GPATCH2: variants seen among roughly 807,000 people sequenced by gnomAD.
The protein encoded by GPATCH2 is G-patch domain containing 2.
GPATCH2 carries 51 observed loss-of-function variants against 58.0 expected under a neutral mutation model. The ratio of observed to expected loss-of-function variants is 0.88; its 90% confidence interval spans 0.70 to 1.11. The LOEUF (loss-of-function observed/expected upper bound fraction) is 1.11, where lower values mean the gene tolerates loss of function less well. GPATCH2 is among the 50% of genes most tolerant of loss of function. The pLI is 0.00. For synonymous variants in GPATCH2, 222 were observed against 218.5 expected (o/e 1.02, Z -0.14); for missense variants, 625 against 652.2 (o/e 0.96, Z 0.45).
chr1:217,454,588 C>CAAAAA (rs34571192), intron 8 of GPATCH2, among the ~76,000 whole-genome samples: 6 of 59,584 alleles, frequency 1.0e-4, no homozygotes, highest in African/African-American at 1.5e-4. Flanking sequence ...GACTCTGTCT[C>CAAAAA]AAAAAAAAAA....
intron 5 of GPATCH2, among the ~76,000 whole-genome samples, chr1:217,521,660 G>A (rs1156448767): frequency 6.6e-6 from 1 of 152,208 alleles, no homozygotes; most frequent in African/African-American, 2.4e-5. Context: ...GTGTACTGGA[G>A]AGGAGTAAAC....
At chr1:217,567,993 T>A (rs1469914008) in intron 5 of GPATCH2, among the ~76,000 whole-genome samples, 1 of 152,056 alleles carries the variant, frequency 6.6e-6, no homozygotes, top group African/African-American at 2.4e-5. Context: ...GGCGGGCGCC[T>A]GCAGTCCTAG....
chr1:217,530,137 T>TA (rs1290447110), intron 5 of GPATCH2, among the ~76,000 whole-genome samples: 2 of 152,212 alleles, frequency 1.3e-5, no homozygotes, highest in Admixed American at 1.3e-4. Flanking sequence ...CACAATGAAA[T>TA]ATGCTATCCA....
chr1:217,451,536 C>CA (rs1659665828), intron 8 of GPATCH2, among the ~76,000 whole-genome samples: 1 of 152,208 alleles, frequency 6.6e-6, no homozygotes, highest in Admixed American at 6.5e-5. Context: ...CCAGTTCCCT[C>CA]ATTAGCTAAT....
intron 6 of GPATCH2, among the ~76,000 whole-genome samples, chr1:217,500,890 ATTTAT>A (rs1021040250): frequency 6.6e-5 from 10 of 151,986 alleles, no homozygotes; most frequent in African/African-American, 1.9e-4. Flanking sequence ...TACAAGAAAT[ATTTAT>A]TTTGAGATAA....
intron 5 of GPATCH2, 90 bp downstream of exon 5, chr1:217,610,231 A>T: frequency 6.5e-7 from 1 of 1,531,260 alleles, no homozygotes; most frequent in Non-Finnish European, 9.0e-7. Context: ...TAACATTAGA[A>T]TATGAATAAA....
intron 8 of GPATCH2, among the ~76,000 whole-genome samples, chr1:217,456,121 T>C (rs1414069698): frequency 1.3e-5 from 2 of 152,128 alleles, no homozygotes; most frequent in East Asian, 3.9e-4. Flanking sequence ...GAATTCTTCC[T>C]GGGTGCTGGA....
intron 1 of GPATCH2, among the ~76,000 whole-genome samples, chr1:217,627,526 A>T (rs991127491): frequency 6.6e-6 from 1 of 152,136 alleles, no homozygotes; most frequent in South Asian, 2.1e-4. Context: ...ATACATATGT[A>T]AAGTTAAAAA....
Position 217,463,674 on chromosome 1 carries a change from A to AG in GPATCH2, c.1278-14338dup, listed in dbSNP as rs1558410227. Among the ~76,000 whole-genome samples the AG allele has an allele frequency of 1.8e-3, 249 of 137,012 alleles. 3 individuals carry two copies. Among genetic ancestry groups the AG allele is most frequent in the African/African-American group, 6.8e-3 (236 of 34,938 alleles). The allele number at this position is 137,012 out of a possible 152,430, so 89.9% of individuals were successfully genotyped here. ...AAAAAAAAAAAAAAAAAAAAAAAAAAGGCAGGCATAGTGATGTGTACCTTA... is the reference window on the plus strand; with the variant it reads ...AAAAAAAAAAAAAAAAAAAAAAAAAAGGGCAGGCATAGTGATGTGTACCTTA... On this transcript the variant is annotated intron_variant, in intron 8 of 9. Transcript: ENST00000366935.
chr1:217,518,059 T>C (rs1044876663), intron 5 of GPATCH2, among the ~76,000 whole-genome samples: 1 of 152,162 alleles, frequency 6.6e-6, no homozygotes, highest in Non-Finnish European at 1.5e-5. Flanking sequence ...ACTATATAAA[T>C]AACGACTACA....
chr1:217,511,952 C>T (rs1468759414), intron 6 of GPATCH2, among the ~76,000 whole-genome samples: 1 of 152,048 alleles, frequency 6.6e-6, no homozygotes, highest in African/African-American at 2.4e-5. Context: ...TAAGGGACCT[C>T]CCCCACATTG....
At chr1:217,564,045 G>GAAAAAAAAAAAAAAAAA (rs59348467) in intron 5 of GPATCH2, among the ~76,000 whole-genome samples, 1 of 58,216 alleles carries the variant, frequency 1.7e-5, no homozygotes, top group Non-Finnish European at 2.9e-5. Flanking sequence ...ACTCCGTCTC[G>GAAAAAAAAAAAAAAAAA]AAAAAAAAAA....
Position 217,534,206 on chromosome 1 carries a change from AC to A in GPATCH2, c.1099-19318del, listed in dbSNP as rs1305956763. ...ACTCCAATCTGGTCAACAGAACGAG[AC>A]CCTGTCTCAAAAATAAATAAATAAA... On this transcript the variant is annotated intron_variant, in intron 5 of 9. Transcript: ENST00000366935. Among the ~76,000 whole-genome samples the A allele has an allele frequency of 3.3e-5, 5 of 152,108 alleles. No individual in the cohort carries two copies. In the South Asian group the frequency reaches 8.3e-4, roughly 25 times the overall value.
chr1:217,532,723 A>G (rs761265931), intron 5 of GPATCH2, among the ~76,000 whole-genome samples: 1 of 152,124 alleles, frequency 6.6e-6, no homozygotes, highest in Non-Finnish European at 1.5e-5. Context: ...GACAAAGGAA[A>G]TAGCATATAT....
rs540669091 is a variant in GPATCH2 at position 217,604,363 on chromosome 1, T to G, written c.1098+5958A>C. ...CCATCTCAAAAAAAAAAAAAAAGTA[T>G]CAGTGTCTAATGTGAAATCTGGATC... On this transcript the variant is annotated intron_variant, in intron 5 of 9. Transcript: ENST00000366935. Among the ~76,000 whole-genome samples, 130 of 150,820 alleles carry G rather than the reference T, an allele frequency of 8.6e-4. 6 individuals are homozygous for G. The highest frequency in any genetic ancestry group is 2.5e-4 in the Non-Finnish European group (17 of 67,702).
At chr1:217,625,992 C>T (rs527879667) in intron 1 of GPATCH2, among the ~76,000 whole-genome samples, 1 of 152,164 alleles carries the variant, frequency 6.6e-6, no homozygotes, top group South Asian at 2.1e-4. Flanking sequence ...AAAAAAAAAC[C>T]TTCCGGATAG....
At chr1:217,588,270 A>C (rs1253830764) in intron 5 of GPATCH2, among the ~76,000 whole-genome samples, 1 of 152,198 alleles carries the variant, frequency 6.6e-6, no homozygotes, top group Non-Finnish European at 1.5e-5. Flanking sequence ...GGAAAGACTC[A>C]ACTGCTAAGA....
chr1:217,454,256 G>GTGTTT, intron 8 of GPATCH2, among the ~76,000 whole-genome samples: 1 of 152,140 alleles, frequency 6.6e-6, no homozygotes, highest in African/African-American at 2.4e-5. Context: ...GCACTTTCAA[G>GTGTTT]TATAAATGTT....
chr1:217,454,047 T>C (rs1659800953), intron 8 of GPATCH2, among the ~76,000 whole-genome samples: 1 of 152,124 alleles, frequency 6.6e-6, no homozygotes, highest in Non-Finnish European at 1.5e-5. Context: ...GTGGTGTCAC[T>C]GGAGGAGCAT....
Sources: gnomAD v4.1 joint callset for allele counts (sites outside exome capture counted in the v4.1 genomes callset) on GRCh38, gnomAD v4.1.1 for gene constraint, MANE v1.5 for transcripts, NCBI Gene and HGNC (gene_info 2026-07-23, HGNC 2026-07-21) for gene names.